The following MTHFD1 variants were observed in gnomAD, a reference collection of about 807,000 sequenced individuals.
The protein encoded by MTHFD1 is methylenetetrahydrofolate dehydrogenase, cyclohydrolase and formyltetrahydrofolate synthetase 1, also known as C-1-tetrahydrofolate synthase, cytoplasmic.
Under a neutral mutation model 110.3 loss-of-function variants are expected in MTHFD1, and 44 were observed. That is an observed-to-expected ratio of 0.40 (90% CI 0.31 to 0.51). The LOEUF (loss-of-function observed/expected upper bound fraction) is 0.51. MTHFD1 is among the 20% of genes least tolerant of loss of function. The probability of loss-of-function intolerance (pLI) is 0.60; values close to 1 mark genes in which losing one functional copy is unlikely to be tolerated. For synonymous variants in MTHFD1, 402 were observed against 428.8 expected, an observed-to-expected ratio of 0.94 and a Z score of 0.77; for missense variants, 909 against 1,173.1, an observed-to-expected ratio of 0.77 and a Z score of 3.29.
chr14:64,441,082 C>G (rs2078243341), intron 18 of MTHFD1: 2 of 369,238 alleles, frequency 5.4e-6, no homozygotes, highest in South Asian at 4.4e-5. Flanking sequence ...GTCCCAGCTA[C>G]TCGGGAGGCT....
At chr14:64,434,944 CTTTTCTTTTTTT>C (rs2078192463) in intron 15 of MTHFD1, among the ~76,000 whole-genome samples, 1 of 89,566 alleles carries the variant, frequency 1.1e-5, no homozygotes, top group Non-Finnish European at 2.2e-5. Flanking sequence ...AGCTCTCCCT[CTTTTCTTTTTTT>C]TTTTTTTTTT....
intron 22 of MTHFD1, 175 bp from the exon 23 acceptor site, chr14:64,448,042 C>T: frequency 3.1e-6 from 2 of 650,212 alleles, no homozygotes; most frequent in East Asian, 2.8e-5. Context: ...TTCTCCATAG[C>T]ATCCACTCAC....
At chr14:64,452,342 A>T (rs1371169595) in intron 24 of MTHFD1, among the ~76,000 whole-genome samples, 1 of 152,242 alleles carries the variant, frequency 6.6e-6, no homozygotes, top group African/African-American at 2.4e-5. Context: ...TTTAGTTGCT[A>T]TAAAGACAGA....
chr14:64,433,318 C>T (rs946125208), intron 15 of MTHFD1, among the ~76,000 whole-genome samples: 1 of 152,072 alleles, frequency 6.6e-6, no homozygotes, highest in African/African-American at 2.4e-5. Flanking sequence ...AAGGTTTCAT[C>T]ATGTTGGCCA....
chr14:64,441,775 AC>A, intron 19 of MTHFD1: 2 of 559,200 alleles, frequency 3.6e-6, no homozygotes, highest in Non-Finnish European at 6.4e-6. Flanking sequence ...TGCACTCCAG[AC>A]TGGGCGACAG....
In MTHFD1 at chr14:64,405,864, C is replaced by T. The variant is rs145105323; in HGVS notation, c.126+4987C>T. Reference sequence around the variant, plus strand: ...TAGTACAAGTTGAGTATCCCTTATCCGAAATGCTTGGGACAAGAGTGTTTT... The same window carrying T: ...TAGTACAAGTTGAGTATCCCTTATCTGAAATGCTTGGGACAAGAGTGTTTT... On this transcript the variant is annotated intron_variant, in intron 2 of 27. Coordinates refer to ENST00000652337, the MANE Select transcript of MTHFD1 (RefSeq NM_005956.4). Among the ~76,000 whole-genome samples the T allele has an allele frequency of 1.3e-3, 201 of 152,002 alleles. 1 individual carries two copies. Among genetic ancestry groups the T allele is most frequent in the South Asian group, 2.7e-3 (13 of 4,810 alleles).
intron 6 of MTHFD1, among the ~76,000 whole-genome samples, chr14:64,416,666 A>G (rs1220762516): frequency 6.6e-6 from 1 of 152,176 alleles, no homozygotes; most frequent in African/African-American, 2.4e-5. Flanking sequence ...ATAAATGAAA[A>G]TTTTCTGTGG....
rs78530590 is a variant in MTHFD1, at chr14:64,410,666, G to A, written c.127-424G>A. On this transcript the variant is annotated intron_variant, in intron 2 of 27. Transcript: ENST00000652337. ...GGAGCTTTCCATTGCCCCTGCGGGT[G>A]GGGGAGAGGGTGTGGAATGTGCCCT... 6.6e-3 allele frequency among the ~76,000 whole-genome samples: 1,002 copies of A among 152,242 alleles called. 16 individuals are homozygous for A. Among genetic ancestry groups the A allele is most frequent in the African/African-American group, 0.023 (937 of 41,538 alleles).
At chr14:64,437,191 G>A (rs2078212576) in intron 16 of MTHFD1, among the ~76,000 whole-genome samples, 1 of 150,628 alleles carries the variant, frequency 6.6e-6, no homozygotes, top group African/African-American at 2.4e-5. Context: ...TTTTAATTTT[G>A]AAATAGAAAA....
intron 1 of MTHFD1, among the ~76,000 whole-genome samples, chr14:64,393,460 C>T (rs2077822446): frequency 6.6e-6 from 1 of 151,996 alleles, no homozygotes; most frequent in Non-Finnish European, 1.5e-5. Context: ...GTGCAGGTTG[C>T]TCAAAAGTTA....
intron 1 of MTHFD1, among the ~76,000 whole-genome samples, chr14:64,400,249 T>A (rs1437162108): frequency 6.6e-6 from 1 of 151,852 alleles, no homozygotes; most frequent in Non-Finnish European, 1.5e-5. Flanking sequence ...TTAGCCAGGC[T>A]TGGTGGCGCA....
At chr14:64,431,302 G>A (rs1252613079) in intron 13 of MTHFD1, among the ~76,000 whole-genome samples, 1 of 151,948 alleles carries the variant, frequency 6.6e-6, no homozygotes, top group African/African-American at 2.4e-5. Flanking sequence ...CTGGCCTGAA[G>A]TGATCCGCCC....
intron 12 of MTHFD1, among the ~76,000 whole-genome samples, chr14:64,429,035 A>C (rs568257323): frequency 6.6e-6 from 1 of 151,840 alleles, no homozygotes; most frequent in East Asian, 1.9e-4. Flanking sequence ...AATACATATT[A>C]ATATATCTCT....
In MTHFD1 at chr14:64,414,970, T is replaced by C. The variant is rs59942740; in HGVS notation, c.241-388T>C. On this transcript the variant is annotated intron_variant, in intron 4 of 27. Coordinates refer to ENST00000652337, the MANE Select transcript of MTHFD1 (RefSeq NM_005956.4). ...TCCCAAAGTGCTGGAATTACAGTCG[T>C]GAACCACCGCACCCAGCCCCTGGCC... is the stretch of plus-strand genomic sequence containing the variant. 1.7e-3 allele frequency among the ~76,000 whole-genome samples: 259 copies of C among 150,600 alleles called. 12 individuals carry two copies. In the East Asian group the frequency reaches 0.035, roughly 20 times the overall value.
chr14:64,409,425 CAATTT>C (rs2077964308), intron 2 of MTHFD1, among the ~76,000 whole-genome samples: 2 of 152,238 alleles, frequency 1.3e-5, no homozygotes, highest in South Asian at 4.2e-4. Context: ...AGTGATAAAA[CAATTT>C]AATCTCAGAG....
rs1260904420 is a variant in MTHFD1, at chr14:64,439,075, T to C, written c.1598-21T>C. ...GGTCCTTTTACTCAAAATCGTTCTA[T>C]ATCTTGCCTGTCTGCTGTAGTGTTG... On this transcript the variant is annotated intron_variant, in intron 16 of 27. Coordinates refer to ENST00000652337, the MANE Select transcript of MTHFD1 (RefSeq NM_005956.4). The C allele has an allele frequency of 1.9e-6, 3 of 1,597,900 alleles. No homozygotes were observed. In the African/African-American group the frequency reaches 4.0e-5, roughly 21 times the overall value.
chr14:64,430,344 G>A (rs1371200552), intron 13 of MTHFD1, 114 bp downstream of exon 13: 6 of 1,019,536 alleles, frequency 5.9e-6, no homozygotes, highest in Non-Finnish European at 7.7e-6. Flanking sequence ...GTTGCCCAGA[G>A]CTGGAGTGCA....
At chr14:64,428,977 T>C (rs998879964) in intron 12 of MTHFD1, among the ~76,000 whole-genome samples, 1 of 152,106 alleles carries the variant, frequency 6.6e-6, no homozygotes, top group Admixed American at 6.5e-5. Context: ...TTCCTTTTAC[T>C]CTTACTGCAA....
chr14:64,421,724 T>C (rs149221779), intron 8 of MTHFD1, among the ~76,000 whole-genome samples: 1,614 of 152,128 alleles, frequency 0.011, 9 homozygotes, highest in African/African-American at 0.021. Context: ...TGCGGGTTCA[T>C]GCCATTCTCC....
Sources: allele counts gnomAD v4.1 joint callset (sites outside exome capture counted in the v4.1 genomes callset), GRCh38; gene constraint gnomAD v4.1.1; transcripts MANE v1.5; gene names NCBI Gene and HGNC (gene_info 2026-07-23, HGNC 2026-07-21).